PRICKLE1: variants seen among roughly 807,000 people sequenced by gnomAD.
PRICKLE1 encodes the protein prickle planar cell polarity protein 1.
Under a neutral mutation model 70.2 loss-of-function variants are expected in PRICKLE1, and 14 were observed. The observed-to-expected ratio is 0.20, with a 90% CI of 0.13 to 0.31. The LOEUF (loss-of-function observed/expected upper bound fraction) is 0.31, where lower values mean the gene tolerates loss of function less well. Ranked by LOEUF, PRICKLE1 falls within the 10% of genes least tolerant of loss-of-function variation. The pLI, the probability that PRICKLE1 is intolerant of heterozygous loss-of-function variation, is 1.00. For missense variants in PRICKLE1, 821 were observed against 1,026.2 expected (o/e 0.80, Z 2.73); for synonymous variants, 357 against 379.9 (o/e 0.94, Z 0.70).
At chr12:42,533,559 A>G (rs1479426098) in intron 1 of PRICKLE1, among the ~76,000 whole-genome samples, 1 of 152,184 alleles carries the variant, frequency 6.6e-6, no homozygotes, top group Non-Finnish European at 1.5e-5. Flanking sequence ...TTAAATAACC[A>G]TTTGTTAAGT....
At chr12:42,538,050 C>A (rs759747029) in intron 1 of PRICKLE1, among the ~76,000 whole-genome samples, 3 of 152,100 alleles carry the variant, frequency 2.0e-5, no homozygotes, top group African/African-American at 4.8e-5. Flanking sequence ...GGGTGTGGCT[C>A]ACATCTGTAT....
Position 42,459,962 on chromosome 12 carries a change from T to C in PRICKLE1, c.2343A>G (p.Gln781=). 1 of 1,614,090 alleles carries C rather than the reference T, an allele frequency of 6.2e-7. No homozygotes were observed. The highest frequency in any genetic ancestry group is 8.5e-7 in the Non-Finnish European group (1 of 1,180,012). ...TCTGTGGCCGGGGTTGAGGGATTGGTTGTCCAAGAAAATATCCTTCTTCTT... is the reference window on the plus strand; with the variant it reads ...TCTGTGGCCGGGGTTGAGGGATTGGCTGTCCAAGAAAATATCCTTCTTCTT... ...DSEEEGYFLG[Q]PIPQPRPQRF... is the part of the protein sequence containing the mutation. The change falls in exon 8 of 8, where the codon CAA becomes CAG. Residue 781 remains glutamine (Q), a synonymous_variant. Transcript: ENST00000345127.
intron 1 of PRICKLE1, among the ~76,000 whole-genome samples, chr12:42,586,464 C>T (rs979026466): frequency 2.6e-5 from 4 of 151,540 alleles, no homozygotes; most frequent in Non-Finnish European, 4.4e-5. Flanking sequence ...TGGGCTCAAG[C>T]GATCCTCCCC....
At position 42,516,280 on chromosome 12, in the gene PRICKLE1, C is replaced by A. The variant is rs181328754; in HGVS notation, c.-48-43716G>T. Among the ~76,000 whole-genome samples the A allele has an allele frequency of 2.6e-3, 392 of 152,112 alleles. 2 individuals carry two copies. The highest frequency in any genetic ancestry group is 8.8e-3 in the African/African-American group (367 of 41,490). On this transcript the variant is annotated intron_variant, in intron 1 of 7. Coordinates refer to ENST00000345127, the MANE Select transcript of PRICKLE1 (RefSeq NM_153026.3). Reference sequence around the variant, plus strand: ...CCGAGTAGCTGGGACTACAGGTGCCCACCACCACGCCTGGCTAAGTTTTTG... The same window carrying A: ...CCGAGTAGCTGGGACTACAGGTGCCAACCACCACGCCTGGCTAAGTTTTTG...
At chr12:42,475,345 T>C (rs1241182000) in intron 1 of PRICKLE1, among the ~76,000 whole-genome samples, 1 of 152,208 alleles carries the variant, frequency 6.6e-6, no homozygotes, top group African/African-American at 2.4e-5. Flanking sequence ...TTACGGCATT[T>C]AATCACTGCA....
At chr12:42,476,371 G>A (rs370074987) in intron 1 of PRICKLE1, among the ~76,000 whole-genome samples, 62 of 151,980 alleles carry the variant, frequency 4.1e-4, no homozygotes, top group African/African-American at 1.3e-3. Flanking sequence ...TAGTAGAGAC[G>A]GGGTTTCTCC....
At position 42,494,836 on chromosome 12, in the gene PRICKLE1, T is replaced by C. The variant is rs12313342; in HGVS notation, c.-48-22272A>G. Among the ~76,000 whole-genome samples the C allele has an allele frequency of 3.1e-3, 456 of 148,394 alleles. 2 individuals carry two copies. Among genetic ancestry groups the C allele is most frequent in the African/African-American group, 0.011 (428 of 40,740 alleles). On this transcript the variant is annotated intron_variant, in intron 1 of 7. Transcript: ENST00000345127. ...AAAAAAAAAAAAAAGCAATTCCTCG[T>C]CTGATAAAATTCGATTATGAGATTG...
chr12:42,476,425 G>A (rs528182635), intron 1 of PRICKLE1, among the ~76,000 whole-genome samples: 2 of 151,792 alleles, frequency 1.3e-5, no homozygotes, highest in Middle Eastern at 3.4e-3. Context: ...TAGGTGATCT[G>A]CCCACTTCGG....
At chr12:42,540,248 A>G (rs1391060485) in intron 1 of PRICKLE1, among the ~76,000 whole-genome samples, 1 of 152,194 alleles carries the variant, frequency 6.6e-6, no homozygotes, top group Admixed American at 6.5e-5. Flanking sequence ...TCAGGAGGAG[A>G]TAAGCAGCTC....
rs71794718 is a variant in PRICKLE1 at position 42,517,306 on chromosome 12, ATTTTTTTTTT to A, written c.-48-44752_-48-44743del. Among the ~76,000 whole-genome samples the A allele has an allele frequency of 7.9e-5, 7 of 88,954 alleles. No individual in the cohort carries two copies. In the South Asian group the frequency reaches 2.4e-3, roughly 31 times the overall value. The allele number at this position is 88,954 out of a possible 152,430, so 58.4% of individuals were successfully genotyped here. A position where few individuals can be genotyped will look rare whatever the true frequency, so the allele number is the denominator to read the frequency against. ...ACTAAATGTGTGTACTCAGTCTGCC[ATTTTTTTTTT>A]TTTTTTTTTTTTTTGAGACAGAGTC... On this transcript the variant is annotated intron_variant, in intron 1 of 7. Coordinates refer to ENST00000345127, the MANE Select transcript of PRICKLE1 (RefSeq NM_153026.3).
At chr12:42,563,388 A>T (rs1940553453) in intron 1 of PRICKLE1, among the ~76,000 whole-genome samples, 2 of 151,734 alleles carry the variant, frequency 1.3e-5, no homozygotes, top group Admixed American at 1.3e-4. Context: ...ATGTTGCACA[A>T]TATTGGAGTT....
chr12:42,509,676 C>CAAT (rs200984206), intron 1 of PRICKLE1, among the ~76,000 whole-genome samples: 2,245 of 152,068 alleles, frequency 0.015, 23 homozygotes, highest in Non-Finnish European at 0.021. Context: ...TCCTTAATAA[C>CAAT]AATAATAATA....
intron 1 of PRICKLE1, among the ~76,000 whole-genome samples, chr12:42,519,193 C>CTTTTTTTTTTTTTTTTTTTTTTTTTTT (rs11342397): frequency 1.0e-5 from 1 of 99,190 alleles, no homozygotes; most frequent in African/African-American, 3.8e-5. Flanking sequence ...CCTTTTTTTC[C>CTTTTTTTTTTTTTTTTTTTTTTTTTTT]TTTTTTTTTT....
intron 1 of PRICKLE1, among the ~76,000 whole-genome samples, chr12:42,545,079 C>A (rs1478459185): frequency 6.6e-6 from 1 of 151,844 alleles, no homozygotes; most frequent in Non-Finnish European, 1.5e-5. Context: ...TCATGGCTCA[C>A]TACAGCCTCA....
intron 1 of PRICKLE1, among the ~76,000 whole-genome samples, chr12:42,563,535 T>TAA (rs1026187630): frequency 6.8e-6 from 1 of 147,968 alleles, no homozygotes; most frequent in Non-Finnish European, 1.5e-5. Context: ...CCGTCTCTAC[T>TAA]AAAAAAAAAT....
At chr12:42,552,898 A>C (rs916577178) in intron 1 of PRICKLE1, among the ~76,000 whole-genome samples, 3 of 152,166 alleles carry the variant, frequency 2.0e-5, no homozygotes, top group African/African-American at 7.2e-5. Flanking sequence ...AGAAGCGCGC[A>C]ATCTAGGGAG....
chr12:42,478,097 T>C (rs1223227721), intron 1 of PRICKLE1, among the ~76,000 whole-genome samples: 2 of 152,130 alleles, frequency 1.3e-5, no homozygotes, highest in African/African-American at 4.8e-5. Context: ...TTTTGCATCA[T>C]CATCCTCCCT....
chr12:42,586,490 A>G (rs925040026), intron 1 of PRICKLE1, among the ~76,000 whole-genome samples: 5 of 152,128 alleles, frequency 3.3e-5, no homozygotes, highest in East Asian at 1.9e-4. Context: ...CTGGGGCTAT[A>G]GAGCCAAGCA....
At chr12:42,562,887 A>T (rs1449564074) in intron 1 of PRICKLE1, among the ~76,000 whole-genome samples, 1 of 152,176 alleles carries the variant, frequency 6.6e-6, no homozygotes, top group African/African-American at 2.4e-5. Flanking sequence ...TTTAATTTAA[A>T]AATTTAAATT....
Sources: allele counts gnomAD v4.1 joint callset (sites outside exome capture counted in the v4.1 genomes callset), GRCh38; gene constraint gnomAD v4.1.1; transcripts MANE v1.5; gene names NCBI Gene and HGNC (gene_info 2026-07-23, HGNC 2026-07-21).